SLC12A8: variants seen among roughly 807,000 people sequenced by gnomAD.
SLC12A8 encodes cation-chloride cotransporter 9.
In SLC12A8, 69 loss-of-function variants were observed where a neutral mutation model predicts 75.6. The observed-to-expected ratio is 0.91, with a 90% CI of 0.75 to 1.11. The LOEUF is 1.11. Ranked by LOEUF, SLC12A8 falls within the 50% of genes most tolerant of loss-of-function variation. The pLI is 0.00. For missense variants in SLC12A8, 877 were observed against 896.7 expected (o/e 0.98, Z 0.28); for synonymous variants, 365 against 372.8 (o/e 0.98, Z 0.24).
At chr3:125,121,710 C>A (rs1228129083) in intron 6 of SLC12A8, among the ~76,000 whole-genome samples, 3 of 152,162 alleles carry the variant, frequency 2.0e-5, no homozygotes, top group Non-Finnish European at 2.9e-5. Flanking sequence ...TAATAAGCAG[C>A]AAAGCTAAGA....
At chr3:125,135,629 C>T in intron 6 of SLC12A8, 40 bp downstream of exon 6, 1 of 1,343,980 alleles carries the variant, frequency 7.4e-7, no homozygotes, top group Non-Finnish European at 1.0e-6. Context: ...AGAATGTATA[C>T]CCCTAATTTG....
chr3:125,183,042 T>A (rs1333157708), intron 4 of SLC12A8, among the ~76,000 whole-genome samples: 2 of 152,164 alleles, frequency 1.3e-5, no homozygotes, highest in Non-Finnish European at 2.9e-5. Context: ...AGTACCCTTA[T>A]GTTTACGCAA....
chr3:125,191,447 C>T (rs2107796761), intron 2 of SLC12A8, among the ~76,000 whole-genome samples: 1 of 140,810 alleles, frequency 7.1e-6, no homozygotes, highest in South Asian at 2.5e-4. Flanking sequence ...CTTCCAGTGA[C>T]CACAAACGAC....
rs1935195035 is a variant in SLC12A8 at position 125,204,782 on chromosome 3, A to G, written c.51+6517T>C. Among the ~76,000 whole-genome samples, 2 of 152,156 alleles carry G rather than the reference A, an allele frequency of 1.3e-5. 1 individual carries two copies. The highest frequency in any genetic ancestry group is 1.3e-4 in the Admixed American group (2 of 15,266). ...AATATTTGAGGTGATGGATACCCCA[A>G]TTACCCTGATTTGATCATTACACAT... On this transcript the variant is annotated intron_variant, in intron 2 of 13. Coordinates refer to ENST00000469902, the MANE Select transcript of SLC12A8 (RefSeq NM_024628.6).
intron 2 of SLC12A8, among the ~76,000 whole-genome samples, chr3:125,204,830 A>G (rs897791035): frequency 6.6e-6 from 1 of 152,184 alleles, no homozygotes; most frequent in Non-Finnish European, 1.5e-5. Flanking sequence ...CCAAAATATC[A>G]TATGTACCCC....
intron 10 of SLC12A8, among the ~76,000 whole-genome samples, chr3:125,097,794 G>C (rs1427060997): frequency 1.3e-5 from 2 of 151,986 alleles, no homozygotes; most frequent in African/African-American, 4.8e-5. Context: ...TCTTGTCTCA[G>C]ATTTTGCTGG....
At position 125,083,822 on chromosome 3, in the gene SLC12A8, C is replaced by T. The variant is rs145326354; in HGVS notation, c.*68G>A. 3.8e-4 allele frequency: 570 copies of T among 1,488,642 alleles called. No individual in the cohort carries two copies. In the African/African-American group the frequency reaches 7.0e-3, roughly 18 times the overall value. The allele number at this position is 1,488,642 out of a possible 1,614,324, so 92.2% of individuals were successfully genotyped here. ...TTCTCAGGTTGGAGAAGCAGCTCCACGAAGGTCCTGAGCTTGGGTCCACTG... is the reference window on the plus strand; with the variant it reads ...TTCTCAGGTTGGAGAAGCAGCTCCATGAAGGTCCTGAGCTTGGGTCCACTG... On this transcript the variant is annotated 3_prime_UTR_variant, in exon 14 of 14. Transcript: ENST00000469902.
chr3:125,109,234 A>G (rs1426590287), intron 9 of SLC12A8, among the ~76,000 whole-genome samples: 1 of 151,698 alleles, frequency 6.6e-6, no homozygotes, highest in Non-Finnish European at 1.5e-5. Flanking sequence ...CTCTATCTGT[A>G]CTCCCTCCCT....
chr3:125,143,647 G>A lies in SLC12A8; in HGVS notation c.623-7865C>T, dbSNP rs528977605. Among the ~76,000 whole-genome samples, 18 of 152,324 alleles carry A rather than the reference G, an allele frequency of 1.2e-4. No homozygotes were observed. The South Asian group carries it at 2.1e-3, about 18-fold the overall frequency. On this transcript the variant is annotated intron_variant, in intron 5 of 13. Coordinates refer to ENST00000469902, the MANE Select transcript of SLC12A8 (RefSeq NM_024628.6). The stretch of plus-strand genomic sequence containing the variant: ...CTGCCCAGAGGGCCAGGGGAGTCCC[G>A]CCCAGCCTGCCTAGAAAGGAGCAGC...
intron 2 of SLC12A8, among the ~76,000 whole-genome samples, chr3:125,205,162 C>T (rs1935202286): frequency 6.6e-6 from 1 of 152,172 alleles, no homozygotes; most frequent in Admixed American, 6.5e-5. Flanking sequence ...TCCACCGTGC[C>T]CTGCCTTTCC....
chr3:125,157,670 T>C (rs115947407), intron 5 of SLC12A8, among the ~76,000 whole-genome samples: 2,190 of 152,326 alleles, frequency 0.014, 47 homozygotes, highest in African/African-American at 0.05. Flanking sequence ...ATGCTGTTCC[T>C]GTTCCTTGGG....
intron 5 of SLC12A8, among the ~76,000 whole-genome samples, chr3:125,137,629 G>C (rs1933524584): frequency 6.6e-6 from 1 of 152,230 alleles, no homozygotes; most frequent in Non-Finnish European, 1.5e-5. Flanking sequence ...ACTTCATCAG[G>C]CATATTCATC....
chr3:125,118,652 A>T (rs28668887), intron 8 of SLC12A8, 117 bp downstream of exon 8: 3 of 667,332 alleles, frequency 4.5e-6, no homozygotes, highest in South Asian at 3.9e-5. Context: ...ATTAAATTTT[A>T]AAAAGACTAT....
chr3:125,184,259 C>T (rs1206526967), intron 4 of SLC12A8, among the ~76,000 whole-genome samples: 2 of 152,308 alleles, frequency 1.3e-5, no homozygotes, highest in South Asian at 2.1e-4. Context: ...GCGTGAGCAA[C>T]CACGCCCGAC....
intron 6 of SLC12A8, among the ~76,000 whole-genome samples, chr3:125,129,967 T>C (rs1390963655): frequency 6.6e-6 from 1 of 151,896 alleles, no homozygotes; most frequent in Non-Finnish European, 1.5e-5. Flanking sequence ...CTTCATAAGC[T>C]CCTCTGCACC....
chr3:125,112,933 T>G (rs1325348348), intron 8 of SLC12A8, among the ~76,000 whole-genome samples: 2 of 152,208 alleles, frequency 1.3e-5, no homozygotes, highest in Non-Finnish European at 2.9e-5. Context: ...CACAACACAT[T>G]GTAGCCACTG....
intron 2 of SLC12A8, among the ~76,000 whole-genome samples, chr3:125,210,304 T>A (rs192006464): frequency 6.6e-6 from 1 of 152,260 alleles, no homozygotes; most frequent in East Asian, 1.9e-4. Flanking sequence ...AAGGGAAAGA[T>A]ATAAGCTCTG....
intron 6 of SLC12A8, among the ~76,000 whole-genome samples, chr3:125,128,664 C>T (rs1933278506): frequency 1.3e-5 from 2 of 152,162 alleles, no homozygotes. Flanking sequence ...TTCTTGTCTC[C>T]TGTTTCTGCC....
Position 125,120,553 on chromosome 3 carries a change from C to T in SLC12A8, c.824+46G>A, listed in dbSNP as rs373980813. ...CAATCCCTCTTCTGCCTGGGGTTTT[C>T]TCTCCCACTCTCTAGCTCAGACTGA... On this transcript the variant is annotated intron_variant, in intron 7 of 13. Coordinates refer to ENST00000469902, the MANE Select transcript of SLC12A8 (RefSeq NM_024628.6). 2.4e-5 allele frequency: 34 copies of T among 1,428,330 alleles called. No individual in the cohort carries two copies. The African/African-American group carries it at 2.8e-4, about 12-fold the overall frequency. The allele number at this position is 1,428,330 out of a possible 1,614,324, so 88.5% of individuals were successfully genotyped here.
Sources: allele counts gnomAD v4.1 joint callset (sites outside exome capture counted in the v4.1 genomes callset), GRCh38; gene constraint gnomAD v4.1.1; transcripts MANE v1.5; gene names NCBI Gene and HGNC (gene_info 2026-07-23, HGNC 2026-07-21).